RFX8: variants seen among roughly 807,000 people sequenced by gnomAD.
The protein encoded by RFX8 is DNA-binding protein RFX8.
A neutral mutation model predicts 54.6 loss-of-function variants in RFX8; 46 were observed. The observed-to-expected ratio is 0.84, with a 90% CI of 0.67 to 1.08. The LOEUF (loss-of-function observed/expected upper bound fraction) is 1.08. Ranked by LOEUF, RFX8 falls within the 50% of genes least tolerant of loss-of-function variation. RFX8 has a pLI of 0.00. For missense variants in RFX8, 536 were observed against 562.3 expected (o/e 0.95, Z 0.47); for synonymous variants, 192 against 209.5 (o/e 0.92, Z 0.72).
intron 2 of RFX8, among the ~76,000 whole-genome samples, chr2:101,453,697 G>C (rs1335695181): frequency 6.6e-6 from 1 of 152,008 alleles, no homozygotes; most frequent in African/African-American, 2.4e-5. Context: ...CACACAACTT[G>C]CATGTCTACA....
At chr2:101,398,402 G>A (rs1400244826) in intron 11 of RFX8, among the ~76,000 whole-genome samples, 1 of 152,120 alleles carries the variant, frequency 6.6e-6, no homozygotes, top group East Asian at 1.9e-4. Context: ...GGCACCCACG[G>A]TCTCCATGTA....
intron 2 of RFX8, among the ~76,000 whole-genome samples, chr2:101,460,194 G>A (rs1689190205): frequency 7.7e-6 from 1 of 130,420 alleles, no homozygotes; most frequent in Non-Finnish European, 1.7e-5. Flanking sequence ...GACATCTTGA[G>A]CTTCCTGGTG....
chr2:101,403,472 T>C (rs1685560626), intron 10 of RFX8, among the ~76,000 whole-genome samples: 1 of 152,192 alleles, frequency 6.6e-6, no homozygotes, highest in Non-Finnish European at 1.5e-5. Flanking sequence ...GGTAAAACCA[T>C]GACTCTTATA....
chr2:101,474,295 A>G, intron 1 of RFX8: 1 of 498,810 alleles, frequency 2.0e-6, no homozygotes, highest in Non-Finnish European at 3.5e-6. Flanking sequence ...CCGGGCCTGC[A>G]GCACCGAGGC....
intron 2 of RFX8, among the ~76,000 whole-genome samples, chr2:101,460,628 G>A (rs1689215469): frequency 6.6e-6 from 1 of 151,966 alleles, no homozygotes; most frequent in African/African-American, 2.4e-5. Context: ...CACAGAGCAG[G>A]GAAGCCACGG....
At chr2:101,421,418 T>C in intron 4 of RFX8, 1 of 1,064,664 alleles carries the variant, frequency 9.4e-7, no homozygotes, top group Non-Finnish European at 1.1e-6. Context: ...TGAATTTTAT[T>C]ACCAACACTT....
intron 6 of RFX8, among the ~76,000 whole-genome samples, chr2:101,415,155 A>G (rs1354416494): frequency 2.0e-5 from 3 of 152,116 alleles, no homozygotes; most frequent in African/African-American, 4.8e-5. Context: ...GCGTGCTACT[A>G]TGATCTGAAT....
At chr2:101,459,964 C>G (rs925117932) in intron 2 of RFX8, among the ~76,000 whole-genome samples, 9 of 152,178 alleles carry the variant, frequency 5.9e-5, no homozygotes, top group African/African-American at 1.4e-4. Flanking sequence ...CCCCACCCCC[C>G]ACCTGGCCGC....
intron 2 of RFX8, among the ~76,000 whole-genome samples, chr2:101,441,687 T>C (rs187300041): frequency 6.6e-6 from 1 of 152,366 alleles, no homozygotes; most frequent in East Asian, 1.9e-4. Flanking sequence ...CTCTGAAGTC[T>C]GCTTTATTAG....
At chr2:101,430,485 CTT>C (rs2104610275) in intron 2 of RFX8, among the ~76,000 whole-genome samples, 1 of 152,326 alleles carries the variant, frequency 6.6e-6, no homozygotes, top group Admixed American at 6.5e-5. Flanking sequence ...AACTTGCTCT[CTT>C]TCTCTCTCTC....
chr2:101,438,997 G>T (rs1573433155), intron 2 of RFX8, among the ~76,000 whole-genome samples: 1 of 152,064 alleles, frequency 6.6e-6, no homozygotes, highest in South Asian at 2.1e-4. Flanking sequence ...ATTTTTAGTA[G>T]AGACAGGGTT....
intron 2 of RFX8, among the ~76,000 whole-genome samples, chr2:101,436,125 T>C (rs1687770329): frequency 6.6e-6 from 1 of 152,062 alleles, no homozygotes; most frequent in African/African-American, 2.4e-5. Context: ...GATGTGCAGG[T>C]TCAGGGACCT....
At chr2:101,472,262 C>T (rs1236998793) in intron 1 of RFX8, among the ~76,000 whole-genome samples, 1 of 152,110 alleles carries the variant, frequency 6.6e-6, no homozygotes. Flanking sequence ...CCACCACACC[C>T]AGCTAATTTT....
In RFX8 at chr2:101,413,004, A is replaced by G; in HGVS notation, c.629T>C (p.Ile210Thr). The change falls in exon 8 of 12, where the codon ATC becomes ACC. Residue 210 changes from isoleucine (I) to threonine (T), a missense_variant. Physicochemically the swap from Ile to Thr is moderately conservative, Grantham distance 89. Transcript: ENST00000428343. ...SVLKSDLQAI[I>T]NQGTLATSKK... is the part of the protein sequence containing the mutation. ...AGAAGTAGCCAAAGTGCCTTGATTGATGATGGCCTGTAGATCTGACTTCAA... is the reference window on the plus strand; with the variant it reads ...AGAAGTAGCCAAAGTGCCTTGATTGGTGATGGCCTGTAGATCTGACTTCAA... 2 of 1,552,070 alleles carry G rather than the reference A, an allele frequency of 1.3e-6. No individual in the cohort carries two copies. The highest frequency in any genetic ancestry group is 2.4e-5 in the South Asian group (2 of 84,052).
At chr2:101,451,130 G>A (rs1464834891) in intron 2 of RFX8, among the ~76,000 whole-genome samples, 2 of 152,030 alleles carry the variant, frequency 1.3e-5, no homozygotes, top group Non-Finnish European at 2.9e-5. Context: ...ACCTTCCTCC[G>A]CTAAGCCCAG....
At chr2:101,461,347 T>C (rs1421831564) in intron 2 of RFX8, among the ~76,000 whole-genome samples, 1 of 150,510 alleles carries the variant, frequency 6.6e-6, no homozygotes, top group Non-Finnish European at 1.5e-5. Flanking sequence ...CAAATCTAAA[T>C]GCAGTATTAG....
chr2:101,405,531 A>C (rs1315830486), intron 10 of RFX8, among the ~76,000 whole-genome samples: 1 of 152,156 alleles, frequency 6.6e-6, no homozygotes, highest in Non-Finnish European at 1.5e-5. Flanking sequence ...AGTTTGCAAA[A>C]TGAACATTAC....
chr2:101,441,127 C>T (rs557756706), intron 2 of RFX8, among the ~76,000 whole-genome samples: 6 of 152,184 alleles, frequency 3.9e-5, no homozygotes, highest in African/African-American at 1.4e-4. Flanking sequence ...CCACCACGGC[C>T]GGCTAATTTT....
intron 2 of RFX8, chr2:101,428,896 C>A (rs1021794973): frequency 2.3e-5 from 23 of 1,011,648 alleles, no homozygotes; most frequent in Admixed American, 4.0e-5. Context: ...TCGAATTAAG[C>A]AATCACTGGT....
Sources: allele counts gnomAD v4.1 joint callset (sites outside exome capture counted in the v4.1 genomes callset), GRCh38; gene constraint gnomAD v4.1.1; transcripts MANE v1.5; gene names NCBI Gene and HGNC (gene_info 2026-07-23, HGNC 2026-07-21).